WWC1: variants seen among roughly 807,000 people sequenced by gnomAD.
WWC1 encodes the protein protein KIBRA.
In WWC1, 55 loss-of-function variants were observed where a neutral mutation model predicts 138.4. That is an observed-to-expected ratio of 0.40 (90% CI 0.32 to 0.50). WWC1 has a LOEUF of 0.50. Among genes scored for constraint, WWC1 ranks in the 20% least tolerant of loss-of-function variants. The pLI is 0.72. For missense variants in WWC1, 1,226 were observed against 1,420.4 expected, an observed-to-expected ratio of 0.86 and a Z score of 2.20; for synonymous variants, 524 against 564.9, an observed-to-expected ratio of 0.93 and a Z score of 1.03.
intron 10 of WWC1, 80 bp downstream of exon 10, chr5:168,422,177 A>G (rs2152851435): frequency 1.4e-6 from 2 of 1,383,010 alleles, no homozygotes; most frequent in South Asian, 2.3e-5. Flanking sequence ...CCCAGGCTCT[A>G]CCCTTCACTT....
At chr5:168,467,308 T>A (rs1757383866) in intron 21 of WWC1, among the ~76,000 whole-genome samples, 1 of 152,170 alleles carries the variant, frequency 6.6e-6, no homozygotes, top group Non-Finnish European at 1.5e-5. Context: ...AATTCTGTCT[T>A]TGTGCAATGT....
chr5:168,324,907 A>C (rs1011224378), intron 1 of WWC1, among the ~76,000 whole-genome samples: 12 of 152,242 alleles, frequency 7.9e-5, no homozygotes, highest in Non-Finnish European at 1.5e-4. Context: ...GAGCTTTTAC[A>C]ATAATAGGGT....
intron 8 of WWC1, among the ~76,000 whole-genome samples, chr5:168,410,974 A>AT: frequency 8.0e-6 from 1 of 125,558 alleles, no homozygotes; most frequent in Non-Finnish European, 1.6e-5. Context: ...TCGCTCTGTC[A>AT]CCCAGGATGG....
chr5:168,418,272 C>A (rs1477305), intron 9 of WWC1, among the ~76,000 whole-genome samples: 1 of 151,944 alleles, frequency 6.6e-6, no homozygotes, highest in Admixed American at 6.5e-5. Flanking sequence ...CTGCCTCCCC[C>A]TCCTTCCCGA....
intron 15 of WWC1, among the ~76,000 whole-genome samples, chr5:168,432,215 C>T (rs764271844): frequency 6.6e-6 from 1 of 152,140 alleles, no homozygotes; most frequent in Admixed American, 6.5e-5. Flanking sequence ...CTCCATCATG[C>T]CCACTGGAAG....
intron 9 of WWC1, among the ~76,000 whole-genome samples, chr5:168,416,714 CAA>C (rs900368358): frequency 6.6e-6 from 1 of 152,124 alleles, no homozygotes; most frequent in Non-Finnish European, 1.5e-5. Context: ...TGACCTTGAG[CAA>C]GTCATTGACC....
intron 2 of WWC1, among the ~76,000 whole-genome samples, chr5:168,378,073 C>T (rs771075867): frequency 5.9e-5 from 9 of 152,198 alleles, no homozygotes; most frequent in Admixed American, 1.3e-4. Flanking sequence ...GGTACATATA[C>T]ACCATGGAAT....
intron 2 of WWC1, among the ~76,000 whole-genome samples, chr5:168,383,243 G>A (rs531625095): frequency 1.3e-5 from 2 of 151,976 alleles, no homozygotes; most frequent in South Asian, 4.2e-4. Context: ...ACTGATCCTA[G>A]GCAATAGTTT....
intron 1 of WWC1, among the ~76,000 whole-genome samples, chr5:168,304,266 T>G (rs942393943): frequency 1.3e-5 from 2 of 152,214 alleles, no homozygotes; most frequent in Non-Finnish European, 2.9e-5. Context: ...TGTTTCTCTC[T>G]GAGCAAAATG....
intron 9 of WWC1, chr5:168,414,882 TAAC>T: frequency 3.2e-6 from 1 of 312,608 alleles, no homozygotes; most frequent in East Asian, 6.1e-5. Flanking sequence ...TAACTCTATA[TAAC>T]TTAAAGCAGT....
At chr5:168,468,744 A>G (rs1757508203) in intron 22 of WWC1, among the ~76,000 whole-genome samples, 1 of 152,160 alleles carries the variant, frequency 6.6e-6, no homozygotes, top group Admixed American at 6.5e-5. Flanking sequence ...TCCCCCTGGA[A>G]CATTTGGCAA....
chr5:168,414,471 C>T lies in WWC1; in HGVS notation c.1065C>T (p.Arg355=), dbSNP rs61730021. The T allele has an allele frequency of 1.0e-3, 1,619 of 1,567,554 alleles. 19 individuals carry two copies. In the African/African-American group the frequency reaches 0.019, roughly 18 times the overall value. ...AGGAGGAGCTGCTGAAGGAGATGCG[C>T]TTCATCAGCCCCCGCAAGTGGACCC... is the stretch of plus-strand genomic sequence containing the variant. ...NEKEELLKEM[R]FISPRKWTQG... The change falls in exon 9 of 23, where the codon CGC becomes CGT. Residue 355 remains arginine, a synonymous_variant. Transcript: ENST00000265293.
chr5:168,338,614 T>C lies in WWC1; in HGVS notation c.120-32810T>C, dbSNP rs1046765574. ...TTTAGTAGAGACGGGGGTTTCTCCA[T>C]GTTGGTCAGGCTGGTCTCGAACTCC... On this transcript the variant is annotated intron_variant, in intron 1 of 22. Coordinates refer to ENST00000265293, the MANE Select transcript of WWC1 (RefSeq NM_015238.3). 2.0e-5 allele frequency among the ~76,000 whole-genome samples: 3 copies of C among 152,144 alleles called. No individual in the cohort carries two copies. In the East Asian group the frequency reaches 5.9e-4, roughly 30 times the overall value.
chr5:168,412,133 A>G, intron 8 of WWC1: 1 of 985,460 alleles, frequency 1.0e-6, no homozygotes, highest in Non-Finnish European at 1.2e-6. Context: ...TTAGATGGTC[A>G]GTCCTTGAGA....
chr5:168,337,321 A>G (rs185734273), intron 1 of WWC1, among the ~76,000 whole-genome samples: 76 of 133,516 alleles, frequency 5.7e-4, no homozygotes, highest in African/African-American at 2.1e-3. Context: ...AGGCGTATTC[A>G]TCTTTCAAAA....
chr5:168,362,403 A>G (rs1775945675), intron 1 of WWC1, among the ~76,000 whole-genome samples: 1 of 152,220 alleles, frequency 6.6e-6, no homozygotes, highest in Non-Finnish European at 1.5e-5. Flanking sequence ...CTAGAAAATG[A>G]CAGAGCCTGG....
At chr5:168,404,079 A>G (rs564911968) in intron 5 of WWC1, among the ~76,000 whole-genome samples, 2 of 152,264 alleles carry the variant, frequency 1.3e-5, no homozygotes, top group African/African-American at 4.8e-5. Context: ...CCTTGAAGAA[A>G]TCAGGTAGAG....
intron 9 of WWC1, chr5:168,416,458 C>T (rs6555809): frequency 0.55 from 83,084 of 152,070 alleles, 24,370 homozygotes; most frequent in East Asian, 0.77. Context: ...TCTATATGCC[C>T]GCATGCCTTT....
chr5:168,389,465 A>G (rs1309577460), intron 3 of WWC1, among the ~76,000 whole-genome samples: 2 of 148,946 alleles, frequency 1.3e-5, no homozygotes, highest in African/African-American at 5.1e-5. Context: ...AAAAAAAAAA[A>G]GAAAGAAAAA....
Sources: allele counts gnomAD v4.1 joint callset (sites outside exome capture counted in the v4.1 genomes callset), GRCh38; gene constraint gnomAD v4.1.1; transcripts MANE v1.5; gene names NCBI Gene and HGNC (gene_info 2026-07-23, HGNC 2026-07-21).